Variants in RIMS2 observed in about 807,000 individuals in gnomAD.
RIMS2 encodes regulating synaptic membrane exocytosis 2.
In RIMS2, 59 loss-of-function variants were observed where a neutral mutation model predicts 174.4. The ratio of observed to expected loss-of-function variants is 0.34; its 90% CI spans 0.27 to 0.42. RIMS2 has a LOEUF of 0.42. Among genes scored for constraint, RIMS2 ranks in the 10% least tolerant of loss-of-function variants. The pLI is 1.00. For missense variants in RIMS2, 1,620 were observed against 1,666.3 expected (o/e 0.97, Z 0.48); for synonymous variants, 606 against 572.5 (o/e 1.06, Z -0.84).
rs75912103 is a variant in RIMS2, at chr8:103,963,664, T to C, written c.2770+2531T>C. Among the ~76,000 whole-genome samples, 226 of 152,268 alleles carry C rather than the reference T, an allele frequency of 1.5e-3. 3 individuals are homozygous for C. In the East Asian group the frequency reaches 0.041, roughly 28 times the overall value. On this transcript the variant is annotated intron_variant, in intron 15 of 23. Transcript: ENST00000504942. ...CCATTATCAACCTCCTCCACCAAACTGGTATGTTTGTTACAACTGATGAAC... is the reference window on the plus strand; with the variant it reads ...CCATTATCAACCTCCTCCACCAAACCGGTATGTTTGTTACAACTGATGAAC...
intron 7 of RIMS2, among the ~76,000 whole-genome samples, chr8:103,916,212 G>A (rs911752002): frequency 7.9e-5 from 12 of 151,980 alleles, no homozygotes; most frequent in African/African-American, 2.2e-4. Context: ...TTTTTCCTCC[G>A]ATCATTGTCC....
chr8:104,152,427 A>G (rs1307452643), intron 19 of RIMS2, among the ~76,000 whole-genome samples: 1 of 152,146 alleles, frequency 6.6e-6, no homozygotes, highest in Non-Finnish European at 1.5e-5. Flanking sequence ...TAGCCAACAG[A>G]GATTGTTTTA....
At chr8:103,587,079 T>C (rs1396548336) in intron 1 of RIMS2, among the ~76,000 whole-genome samples, 1 of 152,022 alleles carries the variant, frequency 6.6e-6, no homozygotes, top group Admixed American at 6.6e-5. Flanking sequence ...AGCAACTAAC[T>C]ATATTCCAAT....
At chr8:104,031,302 A>G (rs1349823481) in intron 19 of RIMS2, among the ~76,000 whole-genome samples, 1 of 152,076 alleles carries the variant, frequency 6.6e-6, no homozygotes. Context: ...TTTCATCACA[A>G]TAAAACAAAG....
At chr8:103,948,075 A>G (rs1270826779) in intron 14 of RIMS2, among the ~76,000 whole-genome samples, 1 of 152,238 alleles carries the variant, frequency 6.6e-6, no homozygotes, top group Non-Finnish European at 1.5e-5. Context: ...GATCACAAAT[A>G]AGGCCATGAA....
intron 19 of RIMS2, among the ~76,000 whole-genome samples, chr8:104,079,551 A>G (rs907613234): frequency 1.4e-5 from 2 of 144,166 alleles, no homozygotes; most frequent in Non-Finnish European, 3.0e-5. Flanking sequence ...AATAGAACAG[A>G]TACATTCTTT....
At position 103,717,092 on chromosome 8, in the gene RIMS2, A is replaced by G. The variant is rs576227426; in HGVS notation, c.387+19796A>G. The stretch of plus-strand genomic sequence containing the variant: ...TTTTCCCATTTCAAATTGGCATAAA[A>G]CTCAAAGAGAATATCATTCAGCTGA... On this transcript the variant is annotated intron_variant, in intron 2 of 23. Coordinates refer to ENST00000504942, the Ensembl canonical transcript of RIMS2. Among the ~76,000 whole-genome samples the G allele has an allele frequency of 1.2e-4, 18 of 149,862 alleles. No homozygotes were observed. In the South Asian group the frequency reaches 3.4e-3, roughly 28 times the overall value.
At chr8:103,773,204 C>T (rs999616992) in intron 3 of RIMS2, among the ~76,000 whole-genome samples, 3 of 151,730 alleles carry the variant, frequency 2.0e-5, no homozygotes, top group African/African-American at 7.3e-5. Flanking sequence ...ATTGAGACAC[C>T]ATTAAGACAC....
chr8:103,667,311 A>G (rs560953353), intron 1 of RIMS2, among the ~76,000 whole-genome samples: 2 of 152,330 alleles, frequency 1.3e-5, no homozygotes, highest in Admixed American at 1.3e-4. Context: ...AATTTAAAGA[A>G]GCTTTTTGTG....
chr8:103,617,466 C>G (rs1398652213), intron 1 of RIMS2, among the ~76,000 whole-genome samples: 1 of 152,132 alleles, frequency 6.6e-6, no homozygotes, highest in African/African-American at 2.4e-5. Context: ...GATTCCATGA[C>G]AAAGATACCA....
chr8:103,912,992 A>ATTTT (rs2075993121), intron 6 of RIMS2, among the ~76,000 whole-genome samples: 16 of 64,312 alleles, frequency 2.5e-4, no homozygotes, highest in Admixed American at 1.3e-3. Flanking sequence ...TTTTTTTTTG[A>ATTTT]GATGGAGTCT....
chr8:103,578,855 G>T (rs2469968), intron 1 of RIMS2, among the ~76,000 whole-genome samples: 26,095 of 151,530 alleles, frequency 0.17, 3,179 homozygotes, highest in East Asian at 0.61. Flanking sequence ...AGCCGGGCAT[G>T]GTGGCACACA....
intron 19 of RIMS2, among the ~76,000 whole-genome samples, chr8:104,236,282 T>C (rs888382843): frequency 1.3e-5 from 2 of 152,022 alleles, no homozygotes; most frequent in Non-Finnish European, 2.9e-5. Context: ...ATGGAAAACA[T>C]ATATTTTTCT....
intron 19 of RIMS2, among the ~76,000 whole-genome samples, chr8:104,085,639 A>T (rs2097524562): frequency 6.6e-6 from 1 of 152,200 alleles, no homozygotes; most frequent in African/African-American, 2.4e-5. Context: ...CCAAGGACCC[A>T]TTCATAACCC....
chr8:103,948,052 A>T (rs1165600870), intron 14 of RIMS2, among the ~76,000 whole-genome samples: 2 of 152,222 alleles, frequency 1.3e-5, no homozygotes, highest in African/African-American at 4.8e-5. Context: ...TATTTGAAAG[A>T]TTAAAATATA....
chr8:103,942,951 T>C, intron 14 of RIMS2, 25 bp downstream of exon 16: 1 of 1,575,896 alleles, frequency 6.3e-7, no homozygotes, highest in Non-Finnish European at 8.7e-7. Flanking sequence ...AATTCTTTCA[T>C]ATTTTTATTG....
chr8:104,105,179 G>A (rs2098019698), intron 19 of RIMS2, among the ~76,000 whole-genome samples: 1 of 152,134 alleles, frequency 6.6e-6, no homozygotes, highest in African/African-American at 2.4e-5. Context: ...ATACCAGAAA[G>A]GGAATAAAAG....
intron 1 of RIMS2, among the ~76,000 whole-genome samples, chr8:103,581,219 G>A (rs1477483953): frequency 2.6e-5 from 4 of 152,096 alleles, no homozygotes; most frequent in African/African-American, 7.2e-5. Flanking sequence ...GAGCATAAAT[G>A]TAAAATGCTC....
chr8:103,939,319 A>C (rs2082011802), intron 13 of RIMS2, among the ~76,000 whole-genome samples: 1 of 152,198 alleles, frequency 6.6e-6, no homozygotes, highest in Admixed American at 6.5e-5. Flanking sequence ...GCTCAACACC[A>C]TGTGGAAGCT....
Sources: gnomAD v4.1 joint callset for allele counts (sites outside exome capture counted in the v4.1 genomes callset) on GRCh38, gnomAD v4.1.1 for gene constraint, MANE v1.5 for transcripts, NCBI Gene and HGNC (gene_info 2026-07-23, HGNC 2026-07-21) for gene names.